LRRC37A2: variants seen among roughly 807,000 people sequenced by gnomAD.
The protein encoded by LRRC37A2 is leucine-rich repeat-containing protein 37A2.
A neutral mutation model predicts 68.8 loss-of-function variants in LRRC37A2; 9 were observed. That is an observed-to-expected ratio of 0.13 (90% CI 0.08 to 0.23). The LOEUF (loss-of-function observed/expected upper bound fraction) is 0.23. Ranked by LOEUF, LRRC37A2 falls within the 10% of genes least tolerant of loss-of-function variation. LRRC37A2 has a pLI of 1.00. For synonymous variants in LRRC37A2, 63 were observed against 367.6 expected (o/e 0.17, Z 9.48); for missense variants, 168 against 950.4 (o/e 0.18, Z 10.82).
the LRRC37A2 span, chr17:46,818,380 G>A: frequency 1.3e-6 from 1 of 792,426 alleles, no homozygotes; most frequent in Non-Finnish European, 2.1e-6. Context: ...AATCCAGGAG[G>A]GGTGGGCGGG....
At chr17:46,782,450 C>T in the LRRC37A2 span, among the ~76,000 whole-genome samples, 20 of 152,208 alleles carry the variant, frequency 1.3e-4, no homozygotes, top group Non-Finnish European at 2.5e-4. Context: ...GACAGAGGCC[C>T]AACTTGTTCC....
the LRRC37A2 span, among the ~76,000 whole-genome samples, chr17:46,976,453 A>G: frequency 1.3e-5 from 2 of 151,928 alleles, no homozygotes; most frequent in South Asian, 2.1e-4. Flanking sequence ...AGGCTGAGGC[A>G]GGAGAATCGC....
At chr17:46,911,830 C>T in the LRRC37A2 span, among the ~76,000 whole-genome samples, 1 of 152,144 alleles carries the variant, frequency 6.6e-6, no homozygotes, top group African/African-American at 2.4e-5. Context: ...TTGCAGTAAG[C>T]CGAGATCACG....
the LRRC37A2 span, chr17:46,872,800 A>C: frequency 2.2e-5 from 20 of 891,922 alleles, no homozygotes; most frequent in Non-Finnish European, 2.9e-5. Flanking sequence ...GGGGACGGGG[A>C]GGGCTGGGGG....
At chr17:46,932,157 G>C in the LRRC37A2 span, 1 of 1,614,178 alleles carries the variant, frequency 6.2e-7, no homozygotes, top group African/African-American at 1.3e-5. Context: ...AGCAGCAGGA[G>C]AGACAGCGAG....
At chr17:46,696,394 A>G in the LRRC37A2 span, among the ~76,000 whole-genome samples, 1 of 140,958 alleles carries the variant, frequency 7.1e-6, no homozygotes, top group African/African-American at 2.9e-5. Context: ...CAGAAAGTAC[A>G]TGCAAGGCAA....
the LRRC37A2 span, among the ~76,000 whole-genome samples, chr17:46,839,938 TTCTTTC>T: frequency 4.7e-5 from 7 of 148,944 alleles, no homozygotes; most frequent in Admixed American, 2.0e-4. Context: ...CTTTCTTTCT[TTCTTTC>T]TTTCTTTCTT....
chr17:46,398,526 C>CT, the LRRC37A2 span, among the ~76,000 whole-genome samples: 2 of 105,652 alleles, frequency 1.9e-5, no homozygotes, highest in Non-Finnish European at 4.0e-5. Context: ...TAGTGTGTAT[C>CT]TTTTTTTTAA....
At chr17:46,753,767 C>T in the LRRC37A2 span, among the ~76,000 whole-genome samples, 2 of 152,150 alleles carry the variant, frequency 1.3e-5, no homozygotes, top group African/African-American at 2.4e-5. Context: ...TGATCTTCAG[C>T]GACTGACATT....
At chr17:46,988,084 A>G in the LRRC37A2 span, among the ~76,000 whole-genome samples, 10,225 of 152,312 alleles carry the variant, frequency 0.067, 522 homozygotes, top group South Asian at 0.2. Context: ...AGGTAGGACA[A>G]TCGCTTGAAC....
chr17:46,938,999 GTC>G, the LRRC37A2 span: 29 of 1,367,992 alleles, frequency 2.1e-5, no homozygotes, highest in Non-Finnish European at 2.7e-5. Flanking sequence ...TCCCGGGTCT[GTC>G]TCTCTCACTC....
chr17:46,530,075 A>G (rs2053440474), intron 6 of LRRC37A2, among the ~76,000 whole-genome samples: 1 of 148,282 alleles, frequency 6.7e-6, no homozygotes, highest in Admixed American at 6.8e-5. Context: ...AGAAAAAAAT[A>G]GAAACAGGGT....
At chr17:46,595,491 TC>T in the LRRC37A2 span, among the ~76,000 whole-genome samples, 1 of 108,982 alleles carries the variant, frequency 9.2e-6, no homozygotes, top group Non-Finnish European at 1.6e-5. Context: ...TATCACTGGA[TC>T]TTTTTTTTTT....
chr17:46,891,274 T>G, the LRRC37A2 span, among the ~76,000 whole-genome samples: 1 of 152,244 alleles, frequency 6.6e-6, no homozygotes, highest in South Asian at 2.1e-4. Flanking sequence ...CCTTTCTTTT[T>G]GAGCCTCGCC....
chr17:46,879,287 A>G, the LRRC37A2 span, among the ~76,000 whole-genome samples: 2 of 152,128 alleles, frequency 1.3e-5, no homozygotes, highest in East Asian at 3.9e-4. Context: ...GTCGCTGGGA[A>G]GGAGGACAAA....
At chr17:46,931,143 C>T in the LRRC37A2 span, 46 of 1,610,878 alleles carry the variant, frequency 2.9e-5, no homozygotes, top group African/African-American at 8.0e-5. Context: ...GATATTCAGC[C>T]GTCTAGAACG....
chr17:46,968,458 G>C, the LRRC37A2 span, among the ~76,000 whole-genome samples: 1 of 152,210 alleles, frequency 6.6e-6, no homozygotes, highest in East Asian at 1.9e-4. Flanking sequence ...TGCGGGGACC[G>C]CTGGAGCAGA....
the LRRC37A2 span, among the ~76,000 whole-genome samples, chr17:46,989,033 A>C: frequency 6.6e-6 from 1 of 152,140 alleles, no homozygotes; most frequent in East Asian, 1.9e-4. Context: ...TGAGTGTTTC[A>C]CTCTGTCCCT....
At chr17:46,771,677 C>G in the LRRC37A2 span, among the ~76,000 whole-genome samples, 1 of 144,274 alleles carries the variant, frequency 6.9e-6, no homozygotes, top group East Asian at 2.0e-4. Flanking sequence ...CACCGCGTAG[C>G]AACGGGCGGC....
Sources: gnomAD v4.1 joint callset for allele counts (sites outside exome capture counted in the v4.1 genomes callset) on GRCh38, gnomAD v4.1.1 for gene constraint, MANE v1.5 for transcripts, NCBI Gene and HGNC (gene_info 2026-07-23, HGNC 2026-07-21) for gene names.